The following SESTD1 variants were observed in gnomAD, a reference collection of about 807,000 sequenced individuals.
SESTD1 encodes the protein SEC14 domain and spectrin repeat-containing protein 1.
Under a neutral mutation model 101.7 loss-of-function variants are expected in SESTD1, and 43 were observed. That is an observed-to-expected ratio of 0.42 (90% CI 0.33 to 0.55). The LOEUF is 0.55. SESTD1 is among the 20% of genes least tolerant of loss of function. The pLI is 0.07. For synonymous variants in SESTD1, 283 were observed against 286.8 expected, an observed-to-expected ratio of 0.99 and a Z score of 0.13; for missense variants, 647 against 815.1, an observed-to-expected ratio of 0.79 and a Z score of 2.51.
chr2:179,138,228 T>C (rs1559108218), intron 9 of SESTD1, among the ~76,000 whole-genome samples: 1 of 152,214 alleles, frequency 6.6e-6, no homozygotes, highest in African/African-American at 2.4e-5. Context: ...CCAGTTGAGC[T>C]GGTCTGTCAT....
intron 1 of SESTD1, among the ~76,000 whole-genome samples, chr2:179,199,510 A>C (rs2046466945): frequency 6.6e-6 from 1 of 152,208 alleles, no homozygotes; most frequent in African/African-American, 2.4e-5. Context: ...CAAAAAAGAG[A>C]ATTTTAGACC....
intron 1 of SESTD1, among the ~76,000 whole-genome samples, chr2:179,200,797 T>C (rs2046497490): frequency 1.5e-5 from 2 of 134,846 alleles, no homozygotes; most frequent in Non-Finnish European, 3.2e-5. Flanking sequence ...ACTTAAACAT[T>C]AGACTGAAAA....
At chr2:179,171,113 C>A (rs2045922669) in intron 5 of SESTD1, among the ~76,000 whole-genome samples, 1 of 152,108 alleles carries the variant, frequency 6.6e-6, no homozygotes, top group Admixed American at 6.5e-5. Flanking sequence ...TAGGGGAATT[C>A]TGGGGGTGAG....
rs375720141 is a variant in SESTD1 at position 179,151,258 on chromosome 2, T to C, written c.483+20A>G. On this transcript the variant is annotated intron_variant, in intron 6 of 17. Coordinates refer to ENST00000428443, the MANE Select transcript of SESTD1 (RefSeq NM_178123.5). ...CTTATTTCTATGCAATAACATTTTA[T>C]CTCATTGTAATATACCAACCAGCCT... 5 of 1,440,552 alleles carry C rather than the reference T, an allele frequency of 3.5e-6. No individual in the cohort carries two copies. The highest frequency in any genetic ancestry group is 4.7e-6 in the Non-Finnish European group (5 of 1,060,768). The allele number at this position is 1,440,552 out of a possible 1,614,324, so 89.2% of individuals were successfully genotyped here.
chr2:179,186,277 T>C (rs1298198082), intron 2 of SESTD1, among the ~76,000 whole-genome samples: 4 of 151,992 alleles, frequency 2.6e-5, no homozygotes, highest in Non-Finnish European at 5.9e-5. Context: ...TACTCAACGA[T>C]CTAAACTCCA....
intron 9 of SESTD1, among the ~76,000 whole-genome samples, chr2:179,139,508 G>C (rs901226426): frequency 2.6e-5 from 4 of 152,152 alleles, no homozygotes; most frequent in African/African-American, 9.7e-5. Flanking sequence ...CTTCCTCATA[G>C]TTGTTTGGTG....
intron 4 of SESTD1, among the ~76,000 whole-genome samples, chr2:179,175,221 T>A (rs936782767): frequency 6.6e-6 from 1 of 152,142 alleles, no homozygotes; most frequent in East Asian, 1.9e-4. Flanking sequence ...TATAGCAAGC[T>A]TAGCACAGTA....
rs764689435 is a variant in SESTD1, at chr2:179,117,512, T to A, written c.1524+20A>T. The stretch of plus-strand genomic sequence containing the variant: ...CTTCTAAGAAAAGTTAACTACATAA[T>A]GTAGCTGACTGCTCCTTACCTGGGC... On this transcript the variant is annotated intron_variant, in intron 14 of 17. Coordinates refer to ENST00000428443, the MANE Select transcript of SESTD1 (RefSeq NM_178123.5). The A allele has an allele frequency of 6.4e-7, 1 of 1,550,424 alleles. No individual in the cohort carries two copies.
chr2:179,240,266 A>T (rs909563853), intron 1 of SESTD1, among the ~76,000 whole-genome samples: 2 of 152,192 alleles, frequency 1.3e-5, no homozygotes, highest in Non-Finnish European at 2.9e-5. Flanking sequence ...TTAGATGATG[A>T]TCTACAGGCA....
At chr2:179,147,248 G>A (rs960434497) in intron 7 of SESTD1, among the ~76,000 whole-genome samples, 1 of 151,906 alleles carries the variant, frequency 6.6e-6, no homozygotes, top group South Asian at 2.1e-4. Flanking sequence ...GCAATAACAC[G>A]TCAGTTCCTT....
In SESTD1 at chr2:179,116,648, G is replaced by A. The variant is rs1461607975; in HGVS notation, c.1647+20C>T. The A allele has an allele frequency of 6.2e-7, 1 of 1,613,992 alleles. No homozygotes were observed. Among genetic ancestry groups the A allele is most frequent in the South Asian group, 1.1e-5 (1 of 91,080 alleles). On this transcript the variant is annotated intron_variant, in intron 15 of 17. Transcript: ENST00000428443. ...TTCAAACACTGAGCTTGTGGAAAAG[G>A]AAGATAACCAGTTTTGCACCTGTGC...
intron 10 of SESTD1, among the ~76,000 whole-genome samples, chr2:179,128,760 A>C (rs944265474): frequency 1.1e-3 from 171 of 151,652 alleles, no homozygotes; most frequent in African/African-American, 3.9e-3. Flanking sequence ...AAAAAAAAAA[A>C]CCCAGTAGAA....
intron 5 of SESTD1, among the ~76,000 whole-genome samples, chr2:179,160,794 A>G (rs2045720828): frequency 6.7e-6 from 1 of 149,160 alleles, no homozygotes; most frequent in South Asian, 2.1e-4. Context: ...TACACTCTCC[A>G]TATCATTCTA....
At chr2:179,241,923 TAA>T (rs534394486) in intron 1 of SESTD1, among the ~76,000 whole-genome samples, 33 of 71,864 alleles carry the variant, frequency 4.6e-4, no homozygotes, top group Admixed American at 6.0e-4. Context: ...CATTGTCTCA[TAA>T]AAAAAAAAAA....
intron 7 of SESTD1, among the ~76,000 whole-genome samples, chr2:179,147,983 T>C (rs1314328735): frequency 1.3e-5 from 2 of 152,228 alleles, no homozygotes; most frequent in Non-Finnish European, 2.9e-5. Context: ...CACAATCACA[T>C]ATTTATATAC....
intron 1 of SESTD1, among the ~76,000 whole-genome samples, chr2:179,194,276 T>G (rs2046358899): frequency 6.6e-6 from 1 of 152,148 alleles, no homozygotes; most frequent in Non-Finnish European, 1.5e-5. Context: ...TCATACTAGG[T>G]CAGAGGCCAC....
chr2:179,114,396 C>T (rs1436934478), intron 16 of SESTD1, among the ~76,000 whole-genome samples: 1 of 151,994 alleles, frequency 6.6e-6, no homozygotes, highest in East Asian at 1.9e-4. Flanking sequence ...TGTAAGAGAT[C>T]AAAACAAAAT....
At chr2:179,123,626 C>T in intron 12 of SESTD1, 89 bp downstream of exon 12, 1 of 768,304 alleles carries the variant, frequency 1.3e-6, no homozygotes, top group Non-Finnish European at 2.1e-6. Flanking sequence ...CTAATTAGTT[C>T]AGTGTAAGTT....
chr2:179,122,714 A>AC lies in SESTD1; in HGVS notation c.1283-786dup, dbSNP rs199717991. On this transcript the variant is annotated intron_variant, in intron 12 of 17. Transcript: ENST00000428443. ...AGACCAGCCTGGCCAACATGGCAAAACCCCATGTCTACTATAACTACCAAT... is the reference window on the plus strand; with the variant it reads ...AGACCAGCCTGGCCAACATGGCAAAACCCCCATGTCTACTATAACTACCAAT... Among the ~76,000 whole-genome samples the AC allele has an allele frequency of 4.2e-3, 642 of 152,134 alleles. 2 individuals are homozygous for AC. Among genetic ancestry groups the AC allele is most frequent in the African/African-American group, 0.014 (594 of 41,480 alleles).
Sources: allele counts gnomAD v4.1 joint callset (sites outside exome capture counted in the v4.1 genomes callset), GRCh38; gene constraint gnomAD v4.1.1; transcripts MANE v1.5; gene names NCBI Gene and HGNC (gene_info 2026-07-23, HGNC 2026-07-21).